Variants in COL14A1 observed in about 807,000 individuals in gnomAD.
COL14A1 encodes collagen type XIV alpha 1 chain, also known as collagen alpha-1(XIV) chain.
Under a neutral mutation model 230.3 loss-of-function variants are expected in COL14A1, and 136 were observed. The ratio of observed to expected loss-of-function variants is 0.59; its 90% CI spans 0.51 to 0.68. COL14A1 has a LOEUF of 0.68. COL14A1 is among the 30% of genes least tolerant of loss of function. COL14A1 has a pLI of 0.00. For synonymous variants in COL14A1, 792 were observed against 784.1 expected (o/e 1.01, Z -0.17); for missense variants, 1,976 against 2,215.8 (o/e 0.89, Z 2.17).
intron 9 of COL14A1, 121 bp downstream of exon 9, chr8:120,203,991 A>T (rs1234533224): frequency 6.5e-6 from 6 of 923,570 alleles, no homozygotes; most frequent in Non-Finnish European, 9.3e-6. Context: ...TATTCCCCTA[A>T]GACCTGAGCC....
chr8:120,344,892 G>T (rs1004216445), intron 44 of COL14A1, among the ~76,000 whole-genome samples: 10 of 152,132 alleles, frequency 6.6e-5, no homozygotes, highest in African/African-American at 2.4e-4. Flanking sequence ...CTGCAGCTGA[G>T]ACCCAAGTAA....
At position 120,370,389 on chromosome 8, in the gene COL14A1, T is replaced by A. The variant is rs763930021; in HGVS notation, c.5312-763T>A. 3.7e-6 allele frequency: 6 copies of A among 1,610,916 alleles called. No individual in the cohort carries two copies. In the African/African-American group the frequency reaches 4.0e-5, roughly 11 times the overall value. On this transcript the variant is annotated intron_variant, in intron 47 of 47. Transcript: ENST00000297848. ...CTGAAGTGGAAATCCTCCACTCTGG[T>A]TCCATTGGCCCCAGACATTTAGCTG...
intron 5 of COL14A1, among the ~76,000 whole-genome samples, chr8:120,176,243 A>C (rs1440130343): frequency 6.6e-6 from 1 of 152,144 alleles, no homozygotes; most frequent in African/African-American, 2.4e-5. Flanking sequence ...TCAAGCACTG[A>C]ATTAGTTTCT....
chr8:120,226,453 G>A (rs1189442630), intron 15 of COL14A1, among the ~76,000 whole-genome samples, 174 bp from the exon 16 acceptor site: 2 of 152,058 alleles, frequency 1.3e-5, no homozygotes, highest in Non-Finnish European at 2.9e-5. Flanking sequence ...GGTGAATGCT[G>A]GAAACAGAAA....
intron 14 of COL14A1, among the ~76,000 whole-genome samples, chr8:120,217,083 T>G (rs937449921): frequency 1.3e-5 from 2 of 152,136 alleles, no homozygotes; most frequent in Non-Finnish European, 2.9e-5. Context: ...AAGAAGATAT[T>G]CATTGATGTG....
At chr8:120,264,012 G>A (rs373945592) in intron 24 of COL14A1, among the ~76,000 whole-genome samples, 2 of 152,212 alleles carry the variant, frequency 1.3e-5, no homozygotes, top group East Asian at 3.9e-4. Context: ...TTTTAAGTGT[G>A]CAGTTCAATA....
intron 1 of COL14A1, among the ~76,000 whole-genome samples, chr8:120,133,880 C>CT (rs1814625694): frequency 6.6e-6 from 1 of 151,838 alleles, no homozygotes; most frequent in South Asian, 2.1e-4. Context: ...ATTTTACAAA[C>CT]TTTAAGACTT....
At chr8:120,232,425 C>T (rs766174648) in intron 19 of COL14A1, among the ~76,000 whole-genome samples, 1 of 152,096 alleles carries the variant, frequency 6.6e-6, no homozygotes, top group African/African-American at 2.4e-5. Flanking sequence ...CCTTGCCCCA[C>T]AACCCCAACA....
chr8:120,358,096 G>A (rs1411659757), intron 45 of COL14A1, among the ~76,000 whole-genome samples: 14 of 152,028 alleles, frequency 9.2e-5, no homozygotes, highest in Non-Finnish European at 2.1e-4. Context: ...CTAGTGTTTT[G>A]TCTTGTTTTT....
chr8:120,231,298 T>C (rs1818259796), intron 18 of COL14A1, among the ~76,000 whole-genome samples, 169 bp from the exon 19 acceptor site: 1 of 152,188 alleles, frequency 6.6e-6, no homozygotes, highest in Admixed American at 6.6e-5. Context: ...CTAGTAGGTA[T>C]CATGCCTCCC....
At chr8:120,241,878 T>C (rs1818618415) in intron 19 of COL14A1, among the ~76,000 whole-genome samples, 1 of 152,072 alleles carries the variant, frequency 6.6e-6, no homozygotes, top group Admixed American at 6.6e-5. Context: ...TTTCAAAAGG[T>C]GGTAGTGAAG....
chr8:120,154,665 GA>G (rs1403679605), intron 2 of COL14A1, among the ~76,000 whole-genome samples: 2 of 152,046 alleles, frequency 1.3e-5, no homozygotes, highest in Non-Finnish European at 2.9e-5. Flanking sequence ...GTGTGTGCTG[GA>G]AATCAAACTT....
intron 40 of COL14A1, among the ~76,000 whole-genome samples, chr8:120,328,250 T>C (rs1027993311): frequency 1.3e-5 from 2 of 152,212 alleles, no homozygotes; most frequent in Non-Finnish European, 2.9e-5. Context: ...ATTTGTTTTT[T>C]TGAGACAGGG....
intron 33 of COL14A1, among the ~76,000 whole-genome samples, chr8:120,287,355 A>G (rs938367349): frequency 2.6e-5 from 4 of 152,124 alleles, no homozygotes; most frequent in Non-Finnish European, 5.9e-5. Flanking sequence ...AGCTCTTAGG[A>G]CTTAACATTG....
chr8:120,274,523 G>T (rs1247306470), intron 26 of COL14A1, among the ~76,000 whole-genome samples: 1 of 151,780 alleles, frequency 6.6e-6, no homozygotes, highest in Non-Finnish European at 1.5e-5. Context: ...AACTGGAAAA[G>T]AAGAAGTTAA....
intron 5 of COL14A1, among the ~76,000 whole-genome samples, chr8:120,192,911 A>G (rs971114391): frequency 5.9e-4 from 90 of 152,208 alleles, no homozygotes; most frequent in South Asian, 1.0e-3. Context: ...TCCTTTAAGC[A>G]CTTCTCTGTA....
Position 120,203,808 on chromosome 8 carries a change from T to C in COL14A1, c.977T>C (p.Val326Ala). Reference protein sequence around the residue: ...NVAEFDLMHTVVESLTRTLCS... With the variant: ...NVAEFDLMHTAVESLTRTLCS... ...GCCGAATTCGATCTGATGCACACAGTTGTGGAGAGTCTGACCAGGACTCTC... is the reference window on the plus strand; with the variant it reads ...GCCGAATTCGATCTGATGCACACAGCTGTGGAGAGTCTGACCAGGACTCTC... The change falls in exon 9 of 48, where the codon GTT becomes GCT. Residue 326 changes from valine (V) to alanine (A), a missense_variant. Physicochemically the swap from Val to Ala is moderately conservative, Grantham distance 64 (BLOSUM62 0). Transcript: ENST00000297848. 2 of 1,613,914 alleles carry C rather than the reference T, an allele frequency of 1.2e-6. No individual in the cohort carries two copies.
Position 120,370,673 on chromosome 8 carries a change from T to A in COL14A1, c.5312-479T>A, listed in dbSNP as rs1823556013. The A allele has an allele frequency of 1.9e-5, 27 of 1,445,720 alleles. No homozygotes were observed. The South Asian group carries it at 2.7e-4, about 15-fold the overall frequency. 89.6% of individuals were successfully genotyped at this position (1,445,720 alleles called of 1,614,324 possible). ...GCCAAGAATTTATCCCAGACTCCCC[T>A]GTGTGACAGCTTCATAATAAAGTTA... On this transcript the variant is annotated intron_variant, in intron 47 of 47. Coordinates refer to ENST00000297848, the MANE Select transcript of COL14A1 (RefSeq NM_021110.4).
At chr8:120,338,119 G>A (rs1751318179) in intron 42 of COL14A1, among the ~76,000 whole-genome samples, 1 of 151,078 alleles carries the variant, frequency 6.6e-6, no homozygotes, top group South Asian at 2.2e-4. Context: ...TTTAATAAAT[G>A]ATAGCAAGAA....
Sources: gnomAD v4.1 joint callset for allele counts (sites outside exome capture counted in the v4.1 genomes callset) on GRCh38, gnomAD v4.1.1 for gene constraint, MANE v1.5 for transcripts, NCBI Gene and HGNC (gene_info 2026-07-23, HGNC 2026-07-21) for gene names.